SCN9A: variants seen among roughly 807,000 people sequenced by gnomAD.
SCN9A encodes the protein sodium channel protein type 9 subunit alpha.
In SCN9A, 131 loss-of-function variants were observed where a neutral mutation model predicts 187.0. That is an observed-to-expected ratio of 0.70 (90% CI 0.61 to 0.81). The LOEUF is 0.81. SCN9A is among the 30% of genes least tolerant of loss of function. SCN9A has a pLI of 0.00. For missense variants in SCN9A, 2,252 were observed against 2,396.6 expected, an observed-to-expected ratio of 0.94 and a Z score of 1.26; for synonymous variants, 809 against 808.6, an observed-to-expected ratio of 1.00 and a Z score of -0.01.
At chr2:166,323,278 T>C (rs1348503052) in intron 1 of SCN9A, among the ~76,000 whole-genome samples, 2 of 152,152 alleles carry the variant, frequency 1.3e-5, no homozygotes, top group African/African-American at 4.8e-5. Context: ...CAAAGAAATA[T>C]TACAGTCTCT....
At chr2:166,220,438 G>T (rs1049240728) in intron 24 of SCN9A, among the ~76,000 whole-genome samples, 2 of 152,048 alleles carry the variant, frequency 1.3e-5, no homozygotes, top group East Asian at 3.9e-4. Flanking sequence ...AAACAGGCAG[G>T]TTCTGCCTCC....
chr2:166,297,556 G>T (rs1052927643), intron 7 of SCN9A, among the ~76,000 whole-genome samples: 2 of 151,990 alleles, frequency 1.3e-5, no homozygotes, highest in African/African-American at 4.8e-5. Context: ...AATCTACAGA[G>T]TGGGTAAATC....
intron 11 of SCN9A, 90 bp from the exon 12 acceptor site, chr2:166,284,914 G>A: frequency 7.3e-7 from 1 of 1,362,082 alleles, no homozygotes; most frequent in Non-Finnish European, 9.7e-7. Flanking sequence ...ACTGGCCTGA[G>A]GGCAGGTGGC....
At chr2:166,321,030 C>T (rs1386230759) in intron 1 of SCN9A, among the ~76,000 whole-genome samples, 1 of 152,242 alleles carries the variant, frequency 6.6e-6, no homozygotes, top group Admixed American at 6.5e-5. Context: ...GTGAACCCTC[C>T]ATTTGATTTT....
chr2:166,254,536 A>G (rs988693187), intron 17 of SCN9A, among the ~76,000 whole-genome samples: 1 of 151,324 alleles, frequency 6.6e-6, no homozygotes, highest in African/African-American at 2.4e-5. Flanking sequence ...AGTAGGCATC[A>G]CCATATTTAA....
intron 1 of SCN9A, among the ~76,000 whole-genome samples, chr2:166,315,042 C>G (rs971646260): frequency 6.6e-6 from 1 of 151,990 alleles, no homozygotes; most frequent in Non-Finnish European, 1.5e-5. Context: ...GAAAATTGTC[C>G]TCAGAATAGG....
At chr2:166,309,830 A>G (rs1405423664) in intron 2 of SCN9A, among the ~76,000 whole-genome samples, 1 of 148,876 alleles carries the variant, frequency 6.7e-6, no homozygotes, top group East Asian at 2.0e-4. Flanking sequence ...TGGAGGCATC[A>G]CGCTACCTGA....
At position 166,278,124 on chromosome 2, in the gene SCN9A, C is replaced by T; in HGVS notation, c.2517+16G>A. On this transcript the variant is annotated intron_variant, in intron 15 of 26. Transcript: ENST00000642356. ...CTTTATTATAGAATATAATGGCAAC[C>T]TTAGTTTATGTTTACCAGTCTGAAT... 1 of 1,601,194 alleles carries T rather than the reference C, an allele frequency of 6.2e-7. No homozygotes were observed. Among genetic ancestry groups the T allele is most frequent in the Non-Finnish European group, 8.5e-7 (1 of 1,173,970 alleles).
At chr2:166,222,958 A>AAAAAAAAAAAAAAAAAAAAAAAAAAC (rs1694677310) in intron 24 of SCN9A, among the ~76,000 whole-genome samples, 1 of 146,042 alleles carries the variant, frequency 6.8e-6, no homozygotes, top group African/African-American at 2.5e-5. Flanking sequence ...AAAAAAAAAA[A>AAAAAAAAAAAAAAAAAAAAAAAAAAC]AAAAAAAAAA....
intron 1 of SCN9A, among the ~76,000 whole-genome samples, chr2:166,350,333 T>G (rs13391197): frequency 9.2e-4 from 140 of 152,366 alleles, no homozygotes; most frequent in Non-Finnish European, 1.5e-3. Flanking sequence ...AACAGCTTTC[T>G]CTTTGTGTGT....
In SCN9A at chr2:166,306,432, A is replaced by G. The variant is rs550875084; in HGVS notation, c.467+78T>C. On this transcript the variant is annotated intron_variant, in intron 4 of 26. Coordinates refer to ENST00000642356, the MANE Select transcript of SCN9A (RefSeq NM_001365536.1). ...AAAGATTCCCCATCTTCATAAATGC[A>G]GTAACTTCCTGGCAGGAAAAGGAAA... The G allele has an allele frequency of 1.0e-3, 852 of 825,032 alleles. 20 individuals carry two copies. Among genetic ancestry groups the G allele is most frequent in the South Asian group, 1.0e-2 (688 of 68,892 alleles). 51.1% of individuals were successfully genotyped at this position (825,032 alleles called of 1,614,324 possible).
intron 24 of SCN9A, among the ~76,000 whole-genome samples, chr2:166,212,252 T>C (rs1694129936): frequency 6.6e-6 from 1 of 152,190 alleles, no homozygotes; most frequent in Admixed American, 6.5e-5. Context: ...TCTGTATCTG[T>C]GGATTTCACA....
rs1205374452 is a variant in SCN9A at position 166,272,518 on chromosome 2, A to G, written c.3232T>C (p.Ser1078Pro). ...KHLMEDSDGQ[S>P]FIHNPSLTVT... ...GTGAGGCTGGGATTGTGAATAAATGATTGACCATCACTGTCTTCCATCAAG... is the reference window on the plus strand; with the variant it reads ...GTGAGGCTGGGATTGTGAATAAATGGTTGACCATCACTGTCTTCCATCAAG... Residue 1078 changes from serine to proline, a missense_variant, in exon 17 of 27, where the codon TCA (serine) becomes CCA (proline). Coordinates refer to ENST00000642356, the MANE Select transcript of SCN9A (RefSeq NM_001365536.1). The G allele has an allele frequency of 6.2e-7, 1 of 1,613,250 alleles. No homozygotes were observed. Among genetic ancestry groups the G allele is most frequent in the Non-Finnish European group, 8.5e-7 (1 of 1,179,694 alleles).
At chr2:166,291,519 A>G (rs1255447996) in intron 9 of SCN9A, among the ~76,000 whole-genome samples, 2 of 152,240 alleles carry the variant, frequency 1.3e-5, no homozygotes, top group Non-Finnish European at 2.9e-5. Context: ...TTATAGATTC[A>G]ATGCTAGTCC....
intron 1 of SCN9A, among the ~76,000 whole-genome samples, chr2:166,333,431 C>T (rs1233199744): frequency 6.6e-6 from 1 of 152,058 alleles, no homozygotes; most frequent in Non-Finnish European, 1.5e-5. Flanking sequence ...ACATGTCTTC[C>T]ATAGTGGTCA....
chr2:166,286,382 T>C lies in SCN9A; in HGVS notation c.1556A>G (p.Glu519Gly). The C allele has an allele frequency of 1.2e-6, 2 of 1,613,754 alleles. No homozygotes were observed. Among genetic ancestry groups the C allele is most frequent in the Non-Finnish European group, 8.5e-7 (1 of 1,179,820 alleles). The change falls in exon 11 of 27, where the codon GAA (glutamate) becomes GGA (glycine). Residue 519 changes from glutamate to glycine, a missense_variant. Physicochemically the swap from Glu to Gly is moderately conservative, Grantham distance 98. Around this residue, in one of 7 missense-constraint regions of SCN9A, gnomAD observed 1,013 missense variants for 997.4 expected, o/e 1.02. Coordinates refer to ENST00000642356, the MANE Select transcript of SCN9A (RefSeq NM_001365536.1). The part of the protein sequence containing the change: ...IRRKSFHLGV[E>G]GHRRAHEKRL... Reference sequence around the variant, plus strand: ...CTTTTCATGTGCTCGCCTATGCCCTTCGACACCAAGGTGGAAACTTTTTCT... The same window carrying C: ...CTTTTCATGTGCTCGCCTATGCCCTCCGACACCAAGGTGGAAACTTTTTCT...
intron 24 of SCN9A, among the ~76,000 whole-genome samples, chr2:166,208,467 TAA>T (rs1693923028): frequency 6.6e-6 from 1 of 152,194 alleles, no homozygotes; most frequent in Non-Finnish European, 1.5e-5. Context: ...AACTTCCTGA[TAA>T]GATGAGAGTT....
chr2:166,346,165 T>G lies in SCN9A; in HGVS notation c.-51+29532A>C, dbSNP rs575674513. On this transcript the variant is annotated intron_variant, in intron 1 of 26. Coordinates refer to ENST00000642356, the MANE Select transcript of SCN9A (RefSeq NM_001365536.1). Reference sequence around the variant, plus strand: ...AAACAAGCAAGAAAACAAGAGTCAGTGATGCCCTACCACTATCCCCTTTCC... The same window carrying G: ...AAACAAGCAAGAAAACAAGAGTCAGGGATGCCCTACCACTATCCCCTTTCC... 2.6e-5 allele frequency among the ~76,000 whole-genome samples: 4 copies of G among 152,252 alleles called. No homozygotes were observed. In the South Asian group the frequency reaches 8.3e-4, roughly 32 times the overall value.
At chr2:166,361,636 C>A (rs1700288647) in intron 1 of SCN9A, among the ~76,000 whole-genome samples, 1 of 151,648 alleles carries the variant, frequency 6.6e-6, no homozygotes, top group African/African-American at 2.4e-5. Context: ...ATCATGGGAA[C>A]CAAAGAAAAA....
Sources: allele counts gnomAD v4.1 joint callset (sites outside exome capture counted in the v4.1 genomes callset), GRCh38; gene constraint gnomAD v4.1.1; regional missense constraint gnomAD v4.1.1; transcripts MANE v1.5; gene names NCBI Gene and HGNC (gene_info 2026-07-23, HGNC 2026-07-21).